RAB11FIP3: variants seen among roughly 807,000 people sequenced by gnomAD.
RAB11FIP3 encodes RAB11 family interacting protein 3.
A neutral mutation model predicts 77.8 loss-of-function variants in RAB11FIP3; 17 were observed. That is an observed-to-expected ratio of 0.22 (90% CI 0.15 to 0.33). RAB11FIP3 has a LOEUF of 0.33. Ranked by LOEUF, RAB11FIP3 falls within the 10% of genes least tolerant of loss-of-function variation. The pLI is 1.00. For missense variants in RAB11FIP3, 1,005 were observed against 1,011.2 expected (o/e 0.99, Z 0.08); for synonymous variants, 437 against 448.2 (o/e 0.98, Z 0.31).
chr16:502,114 A>C (rs547065488), intron 6 of RAB11FIP3, among the ~76,000 whole-genome samples: 1 of 152,268 alleles, frequency 6.6e-6, no homozygotes, highest in Non-Finnish European at 1.5e-5. Context: ...ATGTATAAAG[A>C]ACTGAACACG....
intron 8 of RAB11FIP3, among the ~76,000 whole-genome samples, chr16:509,043 A>G (rs1024495901): frequency 2.6e-5 from 4 of 152,010 alleles, no homozygotes; most frequent in African/African-American, 9.7e-5. Flanking sequence ...AGCTGGGACT[A>G]CAGGCACCTG....
At chr16:445,754 A>G (rs2055305419) in intron 1 of RAB11FIP3, among the ~76,000 whole-genome samples, 1 of 150,722 alleles carries the variant, frequency 6.6e-6, no homozygotes, top group South Asian at 2.1e-4. Flanking sequence ...GGCACTCACC[A>G]TTTCTCCCCA....
intron 2 of RAB11FIP3, among the ~76,000 whole-genome samples, chr16:470,574 T>C (rs2055790116): frequency 6.6e-6 from 1 of 152,242 alleles, no homozygotes; most frequent in Admixed American, 6.5e-5. Context: ...CACCTAAGTG[T>C]CTTCTGTCAC....
intron 1 of RAB11FIP3, among the ~76,000 whole-genome samples, chr16:440,994 G>A (rs1161765393): frequency 6.6e-6 from 1 of 151,892 alleles, no homozygotes; most frequent in Non-Finnish European, 1.5e-5. Context: ...AGGGTGGAGT[G>A]CATTGGTGCA....
At chr16:434,309 G>A (rs2055091049) in intron 1 of RAB11FIP3, among the ~76,000 whole-genome samples, 1 of 152,152 alleles carries the variant, frequency 6.6e-6, no homozygotes, top group Admixed American at 6.5e-5. Flanking sequence ...TTTTAGTAGA[G>A]GCGGGGTTTC....
chr16:440,792 C>T (rs1466521132), intron 1 of RAB11FIP3, among the ~76,000 whole-genome samples: 1 of 152,230 alleles, frequency 6.6e-6, no homozygotes, highest in Non-Finnish European at 1.5e-5. Flanking sequence ...CCTGCCATCC[C>T]TGCTGGTTCA....
rs2031832708 is a variant in RAB11FIP3 at position 505,645 on chromosome 16, G to A, written c.1499+18G>A. 1 of 1,570,224 alleles carries A rather than the reference G, an allele frequency of 6.4e-7. No individual in the cohort carries two copies. Among genetic ancestry groups the A allele is most frequent in the Admixed American group, 1.8e-5 (1 of 55,484 alleles). Reference sequence around the variant, plus strand: ...GTGCACAGGTGAGCCTGGGCCAGGAGACCCGGGCCTCTGCGTGGCGCCTCC... The same window carrying A: ...GTGCACAGGTGAGCCTGGGCCAGGAAACCCGGGCCTCTGCGTGGCGCCTCC... On this transcript the variant is annotated intron_variant, in intron 8 of 13. Transcript: ENST00000262305. This position sits in a 1 kb window ranked among gnomAD's most constrained non-coding sequence, Gnocchi z 4.0.
At chr16:482,849 A>T in intron 4 of RAB11FIP3, 113 bp downstream of exon 4, 1 of 1,168,952 alleles carries the variant, frequency 8.6e-7, no homozygotes, top group Non-Finnish European at 1.2e-6. Context: ...AGCATCCATT[A>T]TGTGGGGGTG....
chr16:438,182 A>C (rs2055163312), intron 1 of RAB11FIP3, among the ~76,000 whole-genome samples: 1 of 151,952 alleles, frequency 6.6e-6, no homozygotes, highest in African/African-American at 2.4e-5. Flanking sequence ...ATATCCACTT[A>C]CTGCAACCTC....
At position 471,427 on chromosome 16, in the gene RAB11FIP3, G is replaced by T; in HGVS notation, c.903+38G>T. 6.7e-7 allele frequency: 1 copy of T among 1,491,568 alleles called. No individual in the cohort carries two copies. The highest frequency in any genetic ancestry group is 1.8e-5 in the Admixed American group (1 of 55,180). 92.4% of individuals were successfully genotyped at this position (1,491,568 alleles called of 1,614,324 possible). On this transcript the variant is annotated intron_variant, in intron 3 of 13. Transcript: ENST00000262305. This position sits in a 1 kb window ranked among gnomAD's most constrained non-coding sequence, Gnocchi z 4.4. ...CACCCAGGAGCTTGGGGGAAGTCTG[G>T]CATCCACCTCTTCCTTTATGCCCTA...
Position 521,002 on chromosome 16 carries a change from G to A in RAB11FIP3, c.*163G>A, listed in dbSNP as rs1260277081. 3 of 642,780 alleles carry A rather than the reference G, an allele frequency of 4.7e-6. No individual in the cohort carries two copies. The highest frequency in any genetic ancestry group is 2.5e-5 in the Admixed American group (1 of 40,360). 39.8% of individuals were successfully genotyped at this position (642,780 alleles called of 1,614,324 possible). A position where few individuals can be genotyped will look rare whatever the true frequency, so the allele number is the denominator to read the frequency against. On this transcript the variant is annotated 3_prime_UTR_variant, in exon 14 of 14. Transcript: ENST00000262305. ...GCTGGGGCCGCCAAAGACCGGGGCTGCCAAAGGGGCAGAGGGTGGTGGAGA... is the reference window on the plus strand; with the variant it reads ...GCTGGGGCCGCCAAAGACCGGGGCTACCAAAGGGGCAGAGGGTGGTGGAGA...
At chr16:468,267 G>T (rs2055750309) in intron 2 of RAB11FIP3, among the ~76,000 whole-genome samples, 1 of 125,152 alleles carries the variant, frequency 8.0e-6, no homozygotes, top group Non-Finnish European at 1.7e-5. Context: ...GAGGTGCAGG[G>T]AAGTCAGGGA....
chr16:510,842 G>A lies in RAB11FIP3; in HGVS notation c.1640+42G>A, dbSNP rs1240628654. The A allele has an allele frequency of 2.5e-6, 4 of 1,603,020 alleles. No individual in the cohort carries two copies. The African/African-American group carries it at 4.0e-5, about 16-fold the overall frequency. On this transcript the variant is annotated intron_variant, in intron 9 of 13. Transcript: ENST00000262305. Reference sequence around the variant, plus strand: ...AGCCCATCCACCCCAGAACCTGCAGGCCAGGTAGGAGACGGTCCCCAACAG... The same window carrying A: ...AGCCCATCCACCCCAGAACCTGCAGACCAGGTAGGAGACGGTCCCCAACAG...
At chr16:431,382 CT>C (rs773557516) in intron 1 of RAB11FIP3, among the ~76,000 whole-genome samples, 610 of 142,978 alleles carry the variant, frequency 4.3e-3, no homozygotes, top group South Asian at 4.2e-3. Context: ...TCTTTTCAGA[CT>C]TTTTTTTTTT....
chr16:442,825 G>C (rs1276322404), intron 1 of RAB11FIP3, among the ~76,000 whole-genome samples: 1 of 152,162 alleles, frequency 6.6e-6, no homozygotes, highest in Non-Finnish European at 1.5e-5. Context: ...CTCCGTGCTA[G>C]AGCGGTCATC....
chr16:514,290 T>C lies in RAB11FIP3; in HGVS notation c.1640+3490T>C, dbSNP rs949885396. ...AGCCCAGCACGAGGCCTCTGGCATC[T>C]TGGGGACTTCCCCAGCCTGGCCTCT... On this transcript the variant is annotated intron_variant, in intron 9 of 13. Transcript: ENST00000262305. The surrounding 1 kb of genome is among the most constrained non-coding windows in gnomAD (Gnocchi z 4.6). Among the ~76,000 whole-genome samples, 2 of 151,604 alleles carry C rather than the reference T, an allele frequency of 1.3e-5. No homozygotes were observed. The highest frequency in any genetic ancestry group is 2.9e-5 in the Non-Finnish European group (2 of 68,034).
In RAB11FIP3 at chr16:464,808, C is replaced by T. The variant is rs189311404; in HGVS notation, c.808+3311C>T. Among the ~76,000 whole-genome samples, 13 of 152,206 alleles carry T rather than the reference C, an allele frequency of 8.5e-5. No individual in the cohort carries two copies. The East Asian group carries it at 2.5e-3, about 29-fold the overall frequency. ...CTTGGGAGGTTGAGGTGGGAGCATC[C>T]CAGGAGGTGGAGGCTGCAGTGAGCT... On this transcript the variant is annotated intron_variant, in intron 2 of 13. Coordinates refer to ENST00000262305, the MANE Select transcript of RAB11FIP3 (RefSeq NM_014700.4).
At chr16:475,005 A>T (rs1412717247) in intron 3 of RAB11FIP3, 1 of 1,551,730 alleles carries the variant, frequency 6.4e-7, no homozygotes, top group Admixed American at 2.0e-5. Flanking sequence ...GGACGGAGAC[A>T]CGATGGGGAG....
At chr16:498,461 C>T (rs907711764) in intron 6 of RAB11FIP3, among the ~76,000 whole-genome samples, 8 of 152,150 alleles carry the variant, frequency 5.3e-5, no homozygotes, top group African/African-American at 1.2e-4. Context: ...AGGCATGAGC[C>T]GTCACACCTG....
Sources: gnomAD v4.1 joint callset for allele counts (sites outside exome capture counted in the v4.1 genomes callset) on GRCh38, gnomAD v4.1.1 for gene constraint, Gnocchi (gnomAD v3.1) non-coding constraint, MANE v1.5 for transcripts, NCBI Gene and HGNC (gene_info 2026-07-23, HGNC 2026-07-21) for gene names.